LRRC4C: variants seen among roughly 807,000 people sequenced by gnomAD.
LRRC4C encodes leucine-rich repeat-containing protein 4C.
A neutral mutation model predicts 33.6 loss-of-function variants in LRRC4C; 5 were observed. The ratio of observed to expected loss-of-function variants is 0.15; its 90% CI spans 0.08 to 0.31. The LOEUF is 0.31. Among genes scored for constraint, LRRC4C ranks in the 10% least tolerant of loss-of-function variants. The pLI is 1.00. For synonymous variants in LRRC4C, 329 were observed against 302.0 expected (o/e 1.09, Z -0.93); for missense variants, 560 against 796.7 (o/e 0.70, Z 3.58).
intron 3 of LRRC4C, among the ~76,000 whole-genome samples, chr11:40,332,181 C>T (rs766168063): frequency 1.3e-5 from 2 of 152,194 alleles, no homozygotes; most frequent in African/African-American, 2.4e-5. Flanking sequence ...TATTCTCTTA[C>T]ACTTCCTGGA....
At chr11:41,000,462 C>G (rs1854295000) in intron 1 of LRRC4C, among the ~76,000 whole-genome samples, 1 of 152,126 alleles carries the variant, frequency 6.6e-6, no homozygotes. Flanking sequence ...GGTATATTCT[C>G]TCTGCATGGG....
At chr11:41,025,935 A>C (rs1856315147) in intron 1 of LRRC4C, among the ~76,000 whole-genome samples, 1 of 151,594 alleles carries the variant, frequency 6.6e-6, no homozygotes, top group Non-Finnish European at 1.5e-5. Context: ...TCTTCTGCTC[A>C]GAAAAAAAGA....
chr11:40,858,014 A>AC (rs57379567), intron 2 of LRRC4C, among the ~76,000 whole-genome samples: 81,052 of 123,250 alleles, frequency 0.66, 29,738 homozygotes, highest in East Asian at 0.8. Context: ...AGGGACAAGG[A>AC]AAGGAAGGGA....
chr11:40,341,113 G>A (rs979326140), intron 3 of LRRC4C, among the ~76,000 whole-genome samples: 1 of 152,152 alleles, frequency 6.6e-6, no homozygotes, highest in Non-Finnish European at 1.5e-5. Context: ...ACCCTAAAAC[G>A]AAGTGATGTT....
chr11:40,513,884 G>C (rs184903439), intron 3 of LRRC4C, among the ~76,000 whole-genome samples: 1 of 152,158 alleles, frequency 6.6e-6, no homozygotes, highest in Admixed American at 6.5e-5. Context: ...TCACAGGAAA[G>C]GGTGATAGAA....
At chr11:41,329,559 T>C (rs1237019901) in intron 1 of LRRC4C, among the ~76,000 whole-genome samples, 1 of 152,224 alleles carries the variant, frequency 6.6e-6, no homozygotes, top group African/African-American at 2.4e-5. Context: ...TTGTGGTGTT[T>C]TTCAAATATG....
intron 2 of LRRC4C, among the ~76,000 whole-genome samples, chr11:40,825,767 G>A (rs1228945994): frequency 6.6e-6 from 1 of 151,528 alleles, no homozygotes; most frequent in Non-Finnish European, 1.5e-5. Context: ...GTCTGCCAGA[G>A]TCCACTTAGT....
At chr11:41,260,197 A>G (rs12416858) in intron 1 of LRRC4C, among the ~76,000 whole-genome samples, 9 of 152,008 alleles carry the variant, frequency 5.9e-5, no homozygotes, top group Admixed American at 5.9e-4. Context: ...TCTTTCCCCA[A>G]AATACGTAAT....
chr11:40,699,808 T>C (rs538693216), intron 2 of LRRC4C, among the ~76,000 whole-genome samples: 51 of 152,202 alleles, frequency 3.4e-4, no homozygotes, highest in Non-Finnish European at 6.6e-4. Flanking sequence ...GTCTGTAGGA[T>C]ATTCACAACA....
intron 2 of LRRC4C, among the ~76,000 whole-genome samples, chr11:40,883,384 A>G (rs1955280732): frequency 6.6e-6 from 1 of 152,090 alleles, no homozygotes; most frequent in Non-Finnish European, 1.5e-5. Flanking sequence ...TCAGAGTCAT[A>G]CTGAGAAAAA....
intron 1 of LRRC4C, among the ~76,000 whole-genome samples, chr11:41,346,488 C>T (rs1320660363): frequency 6.6e-6 from 1 of 152,146 alleles, no homozygotes; most frequent in Non-Finnish European, 1.5e-5. Context: ...GTTTTAACTT[C>T]AGTGAGATTA....
intron 5 of LRRC4C, among the ~76,000 whole-genome samples, chr11:40,235,967 C>G (rs1865523562): frequency 6.6e-6 from 1 of 151,936 alleles, no homozygotes; most frequent in South Asian, 2.1e-4. Flanking sequence ...AATATTTGCC[C>G]AGGCCAGTAA....
chr11:40,469,793 G>C (rs1392764956), intron 3 of LRRC4C, among the ~76,000 whole-genome samples: 1 of 152,176 alleles, frequency 6.6e-6, no homozygotes, highest in Non-Finnish European at 1.5e-5. Flanking sequence ...GAGCCCACCA[G>C]AGCTCGGCAA....
At chr11:40,390,943 G>C (rs1012742975) in intron 3 of LRRC4C, among the ~76,000 whole-genome samples, 2 of 152,004 alleles carry the variant, frequency 1.3e-5, no homozygotes, top group African/African-American at 4.8e-5. Context: ...GTGCAATGGT[G>C]CAGTCTAGGC....
chr11:41,454,523 G>A (rs903494163), intron 1 of LRRC4C, among the ~76,000 whole-genome samples: 2 of 152,094 alleles, frequency 1.3e-5, no homozygotes, highest in African/African-American at 4.8e-5. Context: ...TGAACAAAAT[G>A]AGATTTTAGA....
At chr11:40,751,111 C>T (rs1453339767) in intron 2 of LRRC4C, among the ~76,000 whole-genome samples, 1 of 151,844 alleles carries the variant, frequency 6.6e-6, no homozygotes, top group Non-Finnish European at 1.5e-5. Flanking sequence ...ATAAGAGGAA[C>T]ACACTTTTAA....
chr11:40,160,116 G>C (rs571551616), intron 5 of LRRC4C, among the ~76,000 whole-genome samples: 2 of 152,218 alleles, frequency 1.3e-5, no homozygotes, highest in South Asian at 4.2e-4. Flanking sequence ...GTGGTCATCC[G>C]TGGTTGTTCA....
intron 5 of LRRC4C, among the ~76,000 whole-genome samples, chr11:40,209,383 A>G (rs1863409755): frequency 6.6e-6 from 1 of 152,196 alleles, no homozygotes; most frequent in East Asian, 1.9e-4. Context: ...AAATACACAC[A>G]TTTTACTTAG....
At chr11:41,251,773 C>T (rs754351520) in intron 1 of LRRC4C, among the ~76,000 whole-genome samples, 1 of 152,030 alleles carries the variant, frequency 6.6e-6, no homozygotes, top group African/African-American at 2.4e-5. Flanking sequence ...AAAAATGAAC[C>T]ACTCTTGTGG....
Sources: allele counts gnomAD v4.1 joint callset (sites outside exome capture counted in the v4.1 genomes callset), GRCh38; gene constraint gnomAD v4.1.1; transcripts MANE v1.5; gene names NCBI Gene and HGNC (gene_info 2026-07-23, HGNC 2026-07-21).